The following TMEM278 variants were observed in gnomAD, a reference collection of about 807,000 sequenced individuals.
The protein encoded by TMEM278 is transmembrane protein 88B.
the TMEM278 span, among the ~76,000 whole-genome samples, chr1:1,428,904 G>A: frequency 6.6e-6 from 1 of 151,436 alleles, no homozygotes; most frequent in African/African-American, 2.4e-5. Context: ...GGAGGCTGAG[G>A]CAGGAGAATG....
At chr1:1,426,181 C>G in the TMEM278 span, 1 of 1,417,186 alleles carries the variant, frequency 7.1e-7, no homozygotes. Context: ...GTGGTGCTTC[C>G]GACACAGCGC....
chr1:1,426,145 G>A, the TMEM278 span: 8 of 1,410,434 alleles, frequency 5.7e-6, no homozygotes, highest in African/African-American at 7.6e-5. Context: ...AGCAGGGGAG[G>A]GAGACGGAGG....
the TMEM278 span, among the ~76,000 whole-genome samples, chr1:1,428,417 C>T: frequency 2.0e-5 from 3 of 152,066 alleles, no homozygotes; most frequent in Admixed American, 2.0e-4. Context: ...TTCAGACATG[C>T]GCCAGCCTCG....
chr1:1,426,003 G>C, the TMEM278 span: 1 of 1,253,186 alleles, frequency 8.0e-7, no homozygotes, highest in Non-Finnish European at 1.0e-6. Context: ...CAGGGTCCAC[G>C]GTCTGGCTGG....
At chr1:1,426,898 C>T in the TMEM278 span, among the ~76,000 whole-genome samples, 6 of 152,026 alleles carry the variant, frequency 3.9e-5, no homozygotes, top group South Asian at 8.3e-4. Flanking sequence ...GGGCAGAACG[C>T]GGCAGTGGGC....
At chr1:1,426,287 G>T in the TMEM278 span, 3 of 1,496,748 alleles carry the variant, frequency 2.0e-6, no homozygotes, top group Non-Finnish European at 2.7e-6. Context: ...GCTGCTGGCC[G>T]GGCTCCTGCT....
At chr1:1,427,682 A>C in the TMEM278 span, 1 of 1,329,582 alleles carries the variant, frequency 7.5e-7, no homozygotes, top group East Asian at 3.3e-5. Context: ...GCGCCCGCCT[A>C]GCCCGGCGCC....
chr1:1,428,289 G>A, the TMEM278 span, among the ~76,000 whole-genome samples: 1 of 151,736 alleles, frequency 6.6e-6, no homozygotes, highest in Admixed American at 6.6e-5. Context: ...CCCAGGTCCC[G>A]GCCTCCATCG....
chr1:1,427,872 G>A, the TMEM278 span: 7 of 1,202,794 alleles, frequency 5.8e-6, no homozygotes, highest in Non-Finnish European at 6.4e-6. Flanking sequence ...ACTGAGGGTC[G>A]CCCCCGCTGC....
chr1:1,428,299 G>A, the TMEM278 span, among the ~76,000 whole-genome samples: 1 of 151,824 alleles, frequency 6.6e-6, no homozygotes, highest in East Asian at 1.9e-4. Context: ...GGCCTCCATC[G>A]TCCAGGGCTC....
chr1:1,426,142 G>A, the TMEM278 span: 3 of 1,410,406 alleles, frequency 2.1e-6, no homozygotes, highest in Non-Finnish European at 2.8e-6. Flanking sequence ...GTGAGCAGGG[G>A]AGGGAGACGG....
the TMEM278 span, chr1:1,427,711 C>A: frequency 7.6e-7 from 1 of 1,323,704 alleles, no homozygotes; most frequent in East Asian, 3.3e-5. Context: ...CTGCTGCCTC[C>A]GCCCGCTGGG....
At chr1:1,427,592 C>G in the TMEM278 span, 1 of 1,233,516 alleles carries the variant, frequency 8.1e-7, no homozygotes, top group Non-Finnish European at 1.0e-6. Context: ...GCGCGCTGTT[C>G]TCAGACCGCG....
the TMEM278 span, chr1:1,426,372 T>C: frequency 1.4e-6 from 2 of 1,422,990 alleles, no homozygotes; most frequent in East Asian, 2.8e-5. Flanking sequence ...CTGGGATTCC[T>C]GTGCCACTCG....
At chr1:1,429,705 C>G in the TMEM278 span, among the ~76,000 whole-genome samples, 36 of 152,184 alleles carry the variant, frequency 2.4e-4, no homozygotes, top group Non-Finnish European at 4.7e-4. Flanking sequence ...CCCTCGGCCC[C>G]CTCAGTGACC....
the TMEM278 span, chr1:1,426,366 G>A: frequency 2.8e-6 from 4 of 1,430,642 alleles, no homozygotes; most frequent in Non-Finnish European, 3.7e-6. Context: ...GTCTACCTGG[G>A]ATTCCTGTGC....
chr1:1,428,197 G>A, the TMEM278 span, among the ~76,000 whole-genome samples: 1 of 148,548 alleles, frequency 6.7e-6, no homozygotes. Context: ...AGAGAGGGGA[G>A]GGAAGGGCAG....
chr1:1,427,620 G>A, the TMEM278 span: 2 of 1,321,454 alleles, frequency 1.5e-6, no homozygotes, highest in African/African-American at 1.8e-5. Flanking sequence ...GGCGCTCATC[G>A]TGTTCGGGCT....
the TMEM278 span, among the ~76,000 whole-genome samples, chr1:1,429,348 A>C: frequency 7.1e-6 from 1 of 140,590 alleles, no homozygotes; most frequent in Non-Finnish European, 1.5e-5. Context: ...ACTCCATCTC[A>C]AAAAAAAAAA....
Sources: gnomAD v4.1 joint callset for allele counts (sites outside exome capture counted in the v4.1 genomes callset) on GRCh38, gnomAD v4.1.1 for gene constraint, MANE v1.5 for transcripts, NCBI Gene and HGNC (gene_info 2026-07-23, HGNC 2026-07-21) for gene names.